GALNTL5: variants seen among roughly 807,000 people sequenced by gnomAD.
GALNTL5 encodes polypeptide N-acetylgalactosaminyltransferase like 5, also known as inactive polypeptide N-acetylgalactosaminyltransferase-like protein 5.
GALNTL5 carries 44 observed loss-of-function variants against 51.0 expected under a neutral mutation model. The ratio of observed to expected loss-of-function variants is 0.86; its 90% confidence interval spans 0.68 to 1.11. The LOEUF (loss-of-function observed/expected upper bound fraction) is 1.11. GALNTL5 is among the 50% of genes least tolerant of loss of function. The pLI, the probability that GALNTL5 is intolerant of heterozygous loss-of-function variation, is 0.00. For missense variants in GALNTL5, 528 were observed against 531.8 expected, an observed-to-expected ratio of 0.99 and a Z score of 0.07; for synonymous variants, 192 against 182.8, an observed-to-expected ratio of 1.05 and a Z score of -0.41.
Position 152,016,888 on chromosome 7 carries a change from AT to A in GALNTL5, c.1176+2097del, listed in dbSNP as rs2081822750. ...CATCTCTACTAAAAATACAAAAAAA[AT>A]TAGCCGGGCATGGTGGTGGGCACCT... On this transcript the variant is annotated intron_variant, in intron 8 of 8. Coordinates refer to ENST00000392800, the MANE Select transcript of GALNTL5 (RefSeq NM_145292.4). 2.0e-5 allele frequency among the ~76,000 whole-genome samples: 3 copies of A among 151,864 alleles called. No homozygotes were observed. In the South Asian group the frequency reaches 6.2e-4, roughly 32 times the overall value.
At position 152,014,646 on chromosome 7, in the gene GALNTL5, C is replaced by G; in HGVS notation, c.1029C>G (p.Ile343Met). ...TTTTTTGTTCTTCTTATGCCTAGAT[C>G]TGGATGTGTGGAGGCCAACTCTTTA... Reference protein sequence around the residue: ...GRENLELSLRIWMCGGQLFII... With the variant: ...GRENLELSLRMWMCGGQLFII... Residue 343 changes from isoleucine (I) to methionine (M), a missense_variant and splice_region_variant, in exon 8 of 9, where the codon ATC becomes ATG. Ile to Met is a conservative substitution (Grantham distance 10). Transcript: ENST00000392800. The G allele has an allele frequency of 6.2e-7, 1 of 1,600,720 alleles. No individual in the cohort carries two copies. The highest frequency in any genetic ancestry group is 8.5e-7 in the Non-Finnish European group (1 of 1,175,708).
intron 1 of GALNTL5, among the ~76,000 whole-genome samples, chr7:151,959,448 G>A (rs2080965986): frequency 6.6e-6 from 1 of 151,914 alleles, no homozygotes; most frequent in South Asian, 2.1e-4. Context: ...CTTTTAATTG[G>A]CATAATCAAA....
intron 3 of GALNTL5, among the ~76,000 whole-genome samples, chr7:151,981,599 T>C (rs866255745): frequency 1.0e-4 from 10 of 99,780 alleles, no homozygotes; most frequent in Non-Finnish European, 1.3e-4. Context: ...CCCTCCTTCC[T>C]TCCTTCCCTC....
intron 1 of GALNTL5, among the ~76,000 whole-genome samples, chr7:151,964,046 G>A (rs987213833): frequency 7.9e-5 from 12 of 152,090 alleles, no homozygotes; most frequent in South Asian, 6.2e-4. Context: ...GGCTGGAGTC[G>A]GCATCCAGCT....
At chr7:152,006,739 C>T (rs2081648899) in intron 6 of GALNTL5, among the ~76,000 whole-genome samples, 1 of 152,004 alleles carries the variant, frequency 6.6e-6, no homozygotes, top group Admixed American at 6.6e-5. Context: ...CTTATTTGAA[C>T]AAATGAATGT....
chr7:151,978,545 T>G (rs2081234391), intron 3 of GALNTL5, among the ~76,000 whole-genome samples: 1 of 152,218 alleles, frequency 6.6e-6, no homozygotes, highest in Non-Finnish European at 1.5e-5. Flanking sequence ...TTGAGACTGA[T>G]GCATGGTAAA....
intron 5 of GALNTL5, among the ~76,000 whole-genome samples, chr7:151,993,869 A>G (rs1318655937): frequency 6.6e-6 from 1 of 152,036 alleles, no homozygotes; most frequent in Non-Finnish European, 1.5e-5. Context: ...ATATTCTCCC[A>G]TCTTAACCTC....
intron 5 of GALNTL5, among the ~76,000 whole-genome samples, chr7:151,998,501 G>A (rs1364171352): frequency 6.6e-6 from 1 of 152,168 alleles, no homozygotes; most frequent in Non-Finnish European, 1.5e-5. Flanking sequence ...GCTGGGCATG[G>A]TGGCTCACGC....
At chr7:151,979,552 C>A (rs914077288) in intron 3 of GALNTL5, among the ~76,000 whole-genome samples, 44 of 151,824 alleles carry the variant, frequency 2.9e-4, no homozygotes, top group Admixed American at 1.3e-3. Flanking sequence ...CTCCACCTCC[C>A]GGGTTCAAGA....
intron 4 of GALNTL5, among the ~76,000 whole-genome samples, chr7:151,986,947 G>A (rs1215606835): frequency 6.6e-6 from 1 of 151,854 alleles, no homozygotes; most frequent in Non-Finnish European, 1.5e-5. Flanking sequence ...GGCTGGTCTC[G>A]AACTCCTGAC....
chr7:151,970,885 T>C, intron 2 of GALNTL5, 60 bp from the exon 3 acceptor site: 1 of 1,417,688 alleles, frequency 7.1e-7, no homozygotes, highest in Non-Finnish European at 9.6e-7. Context: ...AGATCTTTCC[T>C]TTCCTGCATC....
At chr7:152,010,165 T>C (rs984668494) in intron 7 of GALNTL5, among the ~76,000 whole-genome samples, 2 of 151,588 alleles carry the variant, frequency 1.3e-5, no homozygotes, top group African/African-American at 4.9e-5. Flanking sequence ...CAGGCTGGAG[T>C]GCAGTGGCAC....
At chr7:152,018,236 G>A (rs1344444083) in intron 8 of GALNTL5, among the ~76,000 whole-genome samples, 1 of 152,214 alleles carries the variant, frequency 6.6e-6, no homozygotes, top group African/African-American at 2.4e-5. Context: ...TGGGGCAAGA[G>A]TTAGTGCATT....
chr7:151,962,549 C>T (rs530754971), intron 1 of GALNTL5, among the ~76,000 whole-genome samples: 138 of 151,102 alleles, frequency 9.1e-4, no homozygotes, highest in Middle Eastern at 3.5e-3. Context: ...CTTCTCCATC[C>T]CACATACTCT....
chr7:152,009,749 G>A (rs2081704532), intron 7 of GALNTL5, among the ~76,000 whole-genome samples: 2 of 152,018 alleles, frequency 1.3e-5, no homozygotes, highest in Non-Finnish European at 2.9e-5. Context: ...CCATGTTCCA[G>A]TAACTAAGGG....
At chr7:151,958,417 G>T (rs2080951268) in intron 1 of GALNTL5, among the ~76,000 whole-genome samples, 2 of 152,216 alleles carry the variant, frequency 1.3e-5, no homozygotes, top group African/African-American at 4.8e-5. Context: ...AGCCCCAAGG[G>T]GTGTTACAGC....
chr7:151,971,483 G>T (rs987136573), intron 3 of GALNTL5, among the ~76,000 whole-genome samples: 1 of 152,044 alleles, frequency 6.6e-6, no homozygotes, highest in Non-Finnish European at 1.5e-5. Context: ...TTATGTTAAT[G>T]ATTAACATAA....
chr7:151,993,974 C>G lies in GALNTL5; in HGVS notation c.658+6693C>G, dbSNP rs558920921. The stretch of plus-strand genomic sequence containing the variant: ...TATTTTTTCTTTATGGTTGTAGGTT[C>G]TGTGTGTGTGTATATATGTATAATT... On this transcript the variant is annotated intron_variant, in intron 5 of 8. Transcript: ENST00000392800. Among the ~76,000 whole-genome samples the G allele has an allele frequency of 2.6e-5, 4 of 152,148 alleles. 1 individual carries two copies. Among genetic ancestry groups the G allele is most frequent in the Admixed American group, 2.6e-4 (4 of 15,280 alleles).
chr7:151,984,737 G>A (rs1406522), intron 4 of GALNTL5, among the ~76,000 whole-genome samples: 61,534 of 151,928 alleles, frequency 0.41, 12,651 homozygotes, highest in Middle Eastern at 0.54. Context: ...CATGTTTGGT[G>A]ACTTGCTGGG....
Sources: gnomAD v4.1 joint callset for allele counts (sites outside exome capture counted in the v4.1 genomes callset) on GRCh38, gnomAD v4.1.1 for gene constraint, MANE v1.5 for transcripts, NCBI Gene and HGNC (gene_info 2026-07-23, HGNC 2026-07-21) for gene names.